Variants in ABTB2 observed in about 807,000 individuals in gnomAD.
The protein encoded by ABTB2 is ankyrin repeat and BTB/POZ domain-containing protein 2.
In ABTB2, 56 loss-of-function variants were observed where a neutral mutation model predicts 104.1. That is an observed-to-expected ratio of 0.54 (90% CI 0.43 to 0.67). The LOEUF (loss-of-function observed/expected upper bound fraction) is 0.67, where lower values mean the gene tolerates loss of function less well. ABTB2 is among the 30% of genes least tolerant of loss of function. The pLI is 0.00. For synonymous variants in ABTB2, 606 were observed against 608.2 expected (o/e 1.00, Z 0.05); for missense variants, 1,279 against 1,407.7 (o/e 0.91, Z 1.46).
rs545223321 is a variant in ABTB2, at chr11:34,352,816, G to A, written c.883+3885C>T. ...CATGCCTGTAATCCCAGCACTCTGG[G>A]AGGCTGAAGCGGGAGAATCCCTTGA... On this transcript the variant is annotated intron_variant, in intron 1 of 16. Coordinates refer to ENST00000435224, the MANE Select transcript of ABTB2 (RefSeq NM_145804.3). Among the ~76,000 whole-genome samples, 3 of 152,340 alleles carry A rather than the reference G, an allele frequency of 2.0e-5. No individual in the cohort carries two copies. In the South Asian group the frequency reaches 6.2e-4, roughly 32 times the overall value.
intron 1 of ABTB2, among the ~76,000 whole-genome samples, chr11:34,285,956 C>T (rs1200014375): frequency 6.6e-6 from 1 of 152,098 alleles, no homozygotes; most frequent in African/African-American, 2.4e-5. Context: ...TGGTACATTG[C>T]CCAAATAAAT....
intron 1 of ABTB2, among the ~76,000 whole-genome samples, chr11:34,321,208 G>C (rs1361026202): frequency 6.6e-6 from 1 of 152,102 alleles, no homozygotes; most frequent in Non-Finnish European, 1.5e-5. Context: ...AACAAAAAAA[G>C]ATGTTTTACT....
intron 1 of ABTB2, among the ~76,000 whole-genome samples, chr11:34,345,242 A>G: frequency 6.6e-6 from 1 of 152,124 alleles, no homozygotes; most frequent in African/African-American, 2.4e-5. Flanking sequence ...AGCCGCACGG[A>G]AGGAGCTTCT....
At chr11:34,236,581 C>T (rs571235025) in intron 1 of ABTB2, among the ~76,000 whole-genome samples, 22 of 152,240 alleles carry the variant, frequency 1.4e-4, no homozygotes, top group Admixed American at 2.6e-4. Flanking sequence ...GATGCCTCCC[C>T]GGCACCCCCT....
rs182371725 is a variant in ABTB2, at chr11:34,231,972, A to G, written c.884-27282T>C. ...CAAAGAAAGTCTTGTCACAGCCAAG[A>G]AGAATCTAAGGACATATAACAACTA... is the stretch of plus-strand genomic sequence containing the variant. On this transcript the variant is annotated intron_variant, in intron 1 of 16. Coordinates refer to ENST00000435224, the MANE Select transcript of ABTB2 (RefSeq NM_145804.3). Among the ~76,000 whole-genome samples the G allele has an allele frequency of 3.5e-3, 539 of 152,340 alleles. 2 individuals carry two copies. Among genetic ancestry groups the G allele is most frequent in the Middle Eastern group, 0.014 (4 of 294 alleles).
intron 1 of ABTB2, among the ~76,000 whole-genome samples, chr11:34,246,649 C>CCTTTTT (rs1853987680): frequency 7.0e-6 from 1 of 143,296 alleles, no homozygotes; most frequent in Non-Finnish European, 1.5e-5. Context: ...TCTCCCTGGA[C>CCTTTTT]CTTTTTCTTG....
chr11:34,207,950 C>T (rs544892495), intron 1 of ABTB2, among the ~76,000 whole-genome samples: 160 of 152,310 alleles, frequency 1.1e-3, no homozygotes, highest in African/African-American at 3.7e-3. Flanking sequence ...GCCAAGGGTT[C>T]CTGGAGGCCT....
intron 9 of ABTB2, 127 bp from the exon 10 acceptor site, chr11:34,162,932 G>A: frequency 2.3e-6 from 2 of 885,560 alleles, no homozygotes; most frequent in Non-Finnish European, 3.4e-6. Flanking sequence ...GGAGTTTCAT[G>A]GTCTTCCTCC....
intron 1 of ABTB2, among the ~76,000 whole-genome samples, chr11:34,312,545 A>G (rs780823708): frequency 6.6e-6 from 1 of 152,206 alleles, no homozygotes; most frequent in Non-Finnish European, 1.5e-5. Flanking sequence ...GAGAGCATTC[A>G]GCGCTTTATT....
At chr11:34,306,236 A>ATTTTTTTTTT (rs34872949) in intron 1 of ABTB2, among the ~76,000 whole-genome samples, 3 of 71,972 alleles carry the variant, frequency 4.2e-5, no homozygotes, top group Non-Finnish European at 5.2e-5. Context: ...GGAAAGTTTG[A>ATTTTTTTTTT]TTTTTTTTTT....
intron 1 of ABTB2, among the ~76,000 whole-genome samples, chr11:34,265,471 A>G (rs1041155489): frequency 2.0e-5 from 3 of 151,634 alleles, no homozygotes; most frequent in African/African-American, 7.3e-5. Flanking sequence ...GACCAGTCTG[A>G]TCAACATGGA....
chr11:34,224,858 G>A (rs549388344), intron 1 of ABTB2, among the ~76,000 whole-genome samples: 1 of 152,186 alleles, frequency 6.6e-6, no homozygotes, highest in Non-Finnish European at 1.5e-5. Context: ...TGAGATAGTG[G>A]TAATCTTTTT....
intron 1 of ABTB2, among the ~76,000 whole-genome samples, chr11:34,215,494 T>C (rs1853540152): frequency 6.6e-6 from 1 of 152,238 alleles, no homozygotes; most frequent in East Asian, 1.9e-4. Flanking sequence ...GTCCTGCTTA[T>C]AAACATAACC....
At chr11:34,323,293 G>A (rs1855028195) in intron 1 of ABTB2, among the ~76,000 whole-genome samples, 1 of 152,114 alleles carries the variant, frequency 6.6e-6, no homozygotes, top group Non-Finnish European at 1.5e-5. Flanking sequence ...ACCAAGTACA[G>A]CCAAAAAAGG....
rs568834809 is a variant in ABTB2 at position 34,169,826 on chromosome 11, C to T, written c.1563+1080G>A. Reference sequence around the variant, plus strand: ...ATCCCTTCCTGACTCCTCTCTGCTCCGTCCCCATCCTGCCCTCCCCCAGGC... The same window carrying T: ...ATCCCTTCCTGACTCCTCTCTGCTCTGTCCCCATCCTGCCCTCCCCCAGGC... On this transcript the variant is annotated intron_variant, in intron 5 of 16. Transcript: ENST00000435224. 5.3e-5 allele frequency among the ~76,000 whole-genome samples: 8 copies of T among 152,258 alleles called. No individual in the cohort carries two copies. In the South Asian group the frequency reaches 8.3e-4, roughly 16 times the overall value.
At position 34,160,850 on chromosome 11, in the gene ABTB2, C is replaced by T. The variant is rs537094006; in HGVS notation, c.2397+53G>A. ...TGCCTGTGTGTCCATCTGTGTGTCC[C>T]GTGGTCTGAGTCTGGGCCGTGGGCT... On this transcript the variant is annotated intron_variant, in intron 11 of 16. Transcript: ENST00000435224. 4.7e-5 allele frequency: 72 copies of T among 1,541,814 alleles called. 1 individual carries two copies. In the East Asian group the frequency reaches 1.4e-3, roughly 29 times the overall value.
chr11:34,222,003 C>T (rs1471713432), intron 1 of ABTB2, among the ~76,000 whole-genome samples: 2 of 152,172 alleles, frequency 1.3e-5, no homozygotes, highest in Non-Finnish European at 2.9e-5. Flanking sequence ...CGAGATCGCA[C>T]CATTGCATTT....
At chr11:34,182,832 A>G (rs1269870841) in intron 3 of ABTB2, among the ~76,000 whole-genome samples, 1 of 152,100 alleles carries the variant, frequency 6.6e-6, no homozygotes. Flanking sequence ...TCTGCTTCTT[A>G]GAGCTGCCTG....
At chr11:34,216,739 C>T (rs753388023) in intron 1 of ABTB2, among the ~76,000 whole-genome samples, 18 of 151,900 alleles carry the variant, frequency 1.2e-4, no homozygotes, top group Non-Finnish European at 1.5e-4. Context: ...GCAACAAGAG[C>T]GAAATTCCAT....
Sources: allele counts gnomAD v4.1 joint callset (sites outside exome capture counted in the v4.1 genomes callset), GRCh38; gene constraint gnomAD v4.1.1; transcripts MANE v1.5; gene names NCBI Gene and HGNC (gene_info 2026-07-23, HGNC 2026-07-21).